PDE1A: variants seen among roughly 807,000 people sequenced by gnomAD.
The protein encoded by PDE1A is phosphodiesterase 1A.
In PDE1A, 35 loss-of-function variants were observed where a neutral mutation model predicts 61.7. The ratio of observed to expected loss-of-function variants is 0.57; its 90% CI spans 0.43 to 0.75. The LOEUF (loss-of-function observed/expected upper bound fraction) is 0.75. Ranked by LOEUF, PDE1A falls within the 30% of genes least tolerant of loss-of-function variation. The pLI is 0.00. For missense variants in PDE1A, 597 were observed against 630.6 expected, an observed-to-expected ratio of 0.95 and a Z score of 0.57; for synonymous variants, 232 against 213.2, an observed-to-expected ratio of 1.09 and a Z score of -0.77.
chr2:182,667,577 C>T, the PDE1A span, among the ~76,000 whole-genome samples: 1 of 152,206 alleles, frequency 6.6e-6, no homozygotes, highest in African/African-American at 2.4e-5. Flanking sequence ...ACACAGCACC[C>T]ATATAACAAA....
the PDE1A span, among the ~76,000 whole-genome samples, chr2:182,686,572 G>A: frequency 6.6e-6 from 1 of 152,196 alleles, no homozygotes; most frequent in African/African-American, 2.4e-5. Context: ...GGCCGAATAG[G>A]AACAGCTCCA....
chr2:182,510,727 G>T (rs1354597120), intron 2 of PDE1A, among the ~76,000 whole-genome samples: 1 of 152,124 alleles, frequency 6.6e-6, no homozygotes, highest in Non-Finnish European at 1.5e-5. Flanking sequence ...CCACTATAAG[G>T]CTACCTCAAG....
At chr2:182,206,485 G>A (rs1367117627) in intron 7 of PDE1A, among the ~76,000 whole-genome samples, 1 of 152,160 alleles carries the variant, frequency 6.6e-6, no homozygotes, top group East Asian at 1.9e-4. Flanking sequence ...AGTGAATAAT[G>A]ACATGTATCT....
the PDE1A span, among the ~76,000 whole-genome samples, chr2:182,661,845 G>T: frequency 6.6e-6 from 1 of 151,970 alleles, no homozygotes; most frequent in East Asian, 1.9e-4. Flanking sequence ...TGTAGCAAAG[G>T]ATATGTGAGA....
chr2:182,528,061 G>A (rs550307530), upstream of PDE1A, among the ~76,000 whole-genome samples: 11 of 152,092 alleles, frequency 7.2e-5, no homozygotes, highest in Non-Finnish European at 1.6e-4. Context: ...GTAGAGTGGG[G>A]CACTGCTGTA....
chr2:182,481,044 T>C (rs965714640), intron 2 of PDE1A, among the ~76,000 whole-genome samples: 7 of 151,898 alleles, frequency 4.6e-5, no homozygotes, highest in Non-Finnish European at 8.8e-5. Flanking sequence ...ACTTCGAGTT[T>C]GCAGAGGGAT....
intron 1 of PDE1A, among the ~76,000 whole-genome samples, chr2:182,319,381 C>A (rs964757618): frequency 6.6e-6 from 1 of 152,006 alleles, no homozygotes. Flanking sequence ...CCTGTTTAAC[C>A]TTTTGTTTTC....
At chr2:182,668,402 A>C in the PDE1A span, among the ~76,000 whole-genome samples, 3 of 152,106 alleles carry the variant, frequency 2.0e-5, no homozygotes, top group Admixed American at 2.0e-4. Flanking sequence ...GACCAGACCA[A>C]TCAACTTCAC....
chr2:182,570,162 TAA>T, the PDE1A span, among the ~76,000 whole-genome samples: 1 of 151,852 alleles, frequency 6.6e-6, no homozygotes, highest in African/African-American at 2.4e-5. Flanking sequence ...AAAGGGGAGA[TAA>T]AATGTTAGTA....
exon 14 of PDE1A, chr2:182,168,105 T>C: frequency 1.5e-6 from 2 of 1,377,794 alleles, no homozygotes; most frequent in Non-Finnish European, 1.9e-6. Flanking sequence ...ATGTGGCTCA[T>C]GATGCTTATT....
chr2:182,344,750 TCA>T (rs10590540), intron 1 of PDE1A, among the ~76,000 whole-genome samples: 82,367 of 150,412 alleles, frequency 0.55, 22,542 homozygotes, highest in Admixed American at 0.61. Context: ...TCTCTCTCTC[TCA>T]CACACACACA....
the PDE1A span, among the ~76,000 whole-genome samples, chr2:182,684,500 G>C: frequency 6.6e-6 from 1 of 152,088 alleles, no homozygotes; most frequent in African/African-American, 2.4e-5. Flanking sequence ...ATCACGTCAA[G>C]AACAGACTTT....
the PDE1A span, among the ~76,000 whole-genome samples, chr2:182,577,810 C>T: frequency 6.6e-6 from 1 of 152,250 alleles, no homozygotes; most frequent in East Asian, 1.9e-4. Context: ...ATCCCAGCTA[C>T]TCAGGAGGCT....
In PDE1A at chr2:182,177,057, G is replaced by A. The variant is rs561505028; in HGVS notation, c.1517-8767C>T. On this transcript the variant is annotated intron_variant, in intron 13 of 13. Coordinates refer to ENST00000351439, the Ensembl canonical transcript of PDE1A. ...AAGCCCACTTGATCATGGTGGATAC[G>A]CTTTTTGATGTGCTGCTGGATTCGT... 4.7e-3 allele frequency among the ~76,000 whole-genome samples: 705 copies of A among 151,380 alleles called. 2 individuals carry two copies. The highest frequency in any genetic ancestry group is 0.014 in the African/African-American group (577 of 41,298).
chr2:182,687,297 T>G, the PDE1A span, among the ~76,000 whole-genome samples: 1 of 152,194 alleles, frequency 6.6e-6, no homozygotes, highest in Non-Finnish European at 1.5e-5. Flanking sequence ...AGGGGCAGAC[T>G]GACACCACAC....
chr2:182,597,158 T>TA, the PDE1A span, among the ~76,000 whole-genome samples: 1,131 of 147,092 alleles, frequency 7.7e-3, 10 homozygotes, highest in African/African-American at 0.025. Context: ...TCTCAAAAAT[T>TA]AAAAAAAAAA....
chr2:182,234,399 AT>A (rs1337847658), intron 4 of PDE1A, 32 bp downstream of exon 4: 5 of 1,493,816 alleles, frequency 3.3e-6, no homozygotes, highest in Non-Finnish European at 4.6e-6. Context: ...TAAAATGACC[AT>A]TTTATACACG....
At chr2:182,236,908 ATACTTTTCTAATTC>A (rs1690065160) in intron 3 of PDE1A, among the ~76,000 whole-genome samples, 1 of 152,212 alleles carries the variant, frequency 6.6e-6, no homozygotes, top group African/African-American at 2.4e-5. Flanking sequence ...TCCCATTATC[ATACTTTTCTAATTC>A]TATAATCAGG....
chr2:182,492,938 C>T (rs1392326646), intron 2 of PDE1A, among the ~76,000 whole-genome samples: 4 of 151,792 alleles, frequency 2.6e-5, no homozygotes. Context: ...AGTTTCCAGG[C>T]TTAGAATCAG....
Sources: gnomAD v4.1 joint callset for allele counts (sites outside exome capture counted in the v4.1 genomes callset) on GRCh38, gnomAD v4.1.1 for gene constraint, MANE v1.5 for transcripts, NCBI Gene and HGNC (gene_info 2026-07-23, HGNC 2026-07-21) for gene names.